PIP5K1B: variants seen among roughly 807,000 people sequenced by gnomAD.
PIP5K1B encodes phosphatidylinositol 4-phosphate 5-kinase type-1 beta.
PIP5K1B carries 42 observed loss-of-function variants against 67.0 expected under a neutral mutation model. That is an observed-to-expected ratio of 0.63 (90% CI 0.49 to 0.81). PIP5K1B has a LOEUF of 0.81. Ranked by LOEUF, PIP5K1B falls within the 30% of genes least tolerant of loss-of-function variation. PIP5K1B has a pLI of 0.00. For synonymous variants in PIP5K1B, 214 were observed against 231.4 expected (o/e 0.92, Z 0.68); for missense variants, 459 against 646.3 (o/e 0.71, Z 3.14).
At chr9:68,831,399 C>T (rs1292506570) in intron 4 of PIP5K1B, among the ~76,000 whole-genome samples, 6 of 152,150 alleles carry the variant, frequency 3.9e-5, no homozygotes, top group Non-Finnish European at 7.4e-5. Context: ...TATACTATTA[C>T]GACCATTTTA....
chr9:68,867,045 G>A (rs1047633812), intron 5 of PIP5K1B, among the ~76,000 whole-genome samples: 1 of 152,122 alleles, frequency 6.6e-6, no homozygotes, highest in Non-Finnish European at 1.5e-5. Flanking sequence ...TCAGGTTCGT[G>A]TAACAATCCA....
rs1224332057 is a variant in PIP5K1B at position 68,723,694 on chromosome 9, G to GTTT, written c.-243+17932_-243+17933insTTT. On this transcript the variant is annotated intron_variant, in intron 1 of 15. Coordinates refer to ENST00000265382, the MANE Select transcript of PIP5K1B (RefSeq NM_003558.4). ...TGCCCATTTTTTAATTGAAGTATTT[G>GTTT]GTTTTTTTTTTTTTTTTTTTTTTGC... 4.1e-4 allele frequency among the ~76,000 whole-genome samples: 15 copies of GTTT among 36,720 alleles called. 1 individual carries two copies. The Admixed American group carries it at 4.3e-3, about 10-fold the overall frequency. 24.1% of individuals were successfully genotyped at this position (36,720 alleles called of 152,430 possible). A position where few individuals can be genotyped will look rare whatever the true frequency, so the allele number is the denominator to read the frequency against.
chr9:68,879,560 T>TC (rs1336615749), intron 6 of PIP5K1B, among the ~76,000 whole-genome samples: 2 of 151,894 alleles, frequency 1.3e-5, no homozygotes, highest in African/African-American at 4.8e-5. Context: ...AGAGCAAGAC[T>TC]CCATCTCAAA....
intron 9 of PIP5K1B, among the ~76,000 whole-genome samples, chr9:68,918,526 A>G (rs541586235): frequency 6.6e-6 from 1 of 152,330 alleles, no homozygotes; most frequent in South Asian, 2.1e-4. Context: ...CAGATGTGGT[A>G]GTAACTACAG....
chr9:68,732,926 G>GCA (rs1719360271), intron 1 of PIP5K1B, among the ~76,000 whole-genome samples: 1 of 137,458 alleles, frequency 7.3e-6, no homozygotes, highest in African/African-American at 2.8e-5. Context: ...TGGGGGGGGG[G>GCA]CGGCGCGGTG....
intron 8 of PIP5K1B, among the ~76,000 whole-genome samples, chr9:68,913,425 A>G (rs1825945556): frequency 6.6e-6 from 1 of 152,218 alleles, no homozygotes; most frequent in South Asian, 2.1e-4. Flanking sequence ...AAGCTCACAC[A>G]TGTTAAGTTG....
chr9:68,830,633 G>T (rs989752690), intron 4 of PIP5K1B, among the ~76,000 whole-genome samples: 4 of 152,062 alleles, frequency 2.6e-5, no homozygotes, highest in African/African-American at 9.7e-5. Flanking sequence ...TCTAAAACGC[G>T]AACTATAGGA....
At chr9:68,720,243 A>T (rs941604014) in intron 1 of PIP5K1B, among the ~76,000 whole-genome samples, 2 of 152,136 alleles carry the variant, frequency 1.3e-5, no homozygotes, top group African/African-American at 4.8e-5. Flanking sequence ...TAGCCTTGCC[A>T]CTGCTTCAAG....
chr9:68,885,602 A>G (rs1378745778), intron 6 of PIP5K1B, among the ~76,000 whole-genome samples: 1 of 148,794 alleles, frequency 6.7e-6, no homozygotes, highest in Non-Finnish European at 1.5e-5. Context: ...CAAATACTGC[A>G]TGTTCTCACT....
chr9:68,787,286 C>A (rs560099183), intron 2 of PIP5K1B, among the ~76,000 whole-genome samples: 1 of 152,278 alleles, frequency 6.6e-6, no homozygotes, highest in South Asian at 2.1e-4. Flanking sequence ...CAGCAACAGG[C>A]AGTGTCTGAA....
Position 68,888,893 on chromosome 9 carries a change from C to A in PIP5K1B, c.319-88C>A, listed in dbSNP as rs1824622526. 3.4e-6 allele frequency: 3 copies of A among 881,140 alleles called. No homozygotes were observed. In the Admixed American group the frequency reaches 6.2e-5, roughly 18 times the overall value. The allele number at this position is 881,140 out of a possible 1,614,324, so 54.6% of individuals were successfully genotyped here. On this transcript the variant is annotated intron_variant, in intron 6 of 15. Transcript: ENST00000265382. ...AGAGAGGCTTCTTGTTTCAACATAG[C>A]TAAGATGTGCAATGCTATGATTGTC...
intron 14 of PIP5K1B, 198 bp downstream of exon 14, chr9:68,940,988 T>C (rs910260764): frequency 4.5e-6 from 3 of 673,460 alleles, no homozygotes; most frequent in Admixed American, 2.1e-5. Flanking sequence ...GATTTTTCTT[T>C]ACAGTTGATC....
At chr9:68,840,051 G>A (rs535503789) in intron 4 of PIP5K1B, among the ~76,000 whole-genome samples, 1 of 152,288 alleles carries the variant, frequency 6.6e-6, no homozygotes, top group African/African-American at 2.4e-5. Context: ...AAATGTTCGG[G>A]TGCCTCAAGT....
chr9:68,723,537 T>TA (rs1373385593), intron 1 of PIP5K1B, among the ~76,000 whole-genome samples: 4 of 152,228 alleles, frequency 2.6e-5, no homozygotes, highest in Admixed American at 2.6e-4. Context: ...TAGCCATTCT[T>TA]ACTGGGGTGA....
chr9:68,828,078 G>A (rs940015402), intron 4 of PIP5K1B, among the ~76,000 whole-genome samples: 1 of 152,212 alleles, frequency 6.6e-6, no homozygotes, highest in Non-Finnish European at 1.5e-5. Flanking sequence ...TCATTTGTCC[G>A]TTGGACTGGG....
At chr9:68,904,321 G>A (rs1825504709) in intron 8 of PIP5K1B, among the ~76,000 whole-genome samples, 1 of 152,222 alleles carries the variant, frequency 6.6e-6, no homozygotes, top group African/African-American at 2.4e-5. Context: ...ACCTAACTCT[G>A]ACAAGGAGAT....
intron 4 of PIP5K1B, among the ~76,000 whole-genome samples, chr9:68,830,105 T>C (rs2132104429): frequency 6.6e-6 from 1 of 151,978 alleles, no homozygotes; most frequent in Middle Eastern, 3.4e-3. Flanking sequence ...TGCTGAAGCC[T>C]AGGCAACAGA....
chr9:68,832,016 T>C (rs1444561940), intron 4 of PIP5K1B, among the ~76,000 whole-genome samples: 4 of 152,224 alleles, frequency 2.6e-5, no homozygotes, highest in Non-Finnish European at 5.9e-5. Flanking sequence ...ATTCATTGGT[T>C]CCAAAGCCAT....
At chr9:68,970,998 A>G (rs1479890026) in intron 14 of PIP5K1B, among the ~76,000 whole-genome samples, 4 of 152,002 alleles carry the variant, frequency 2.6e-5, no homozygotes, top group African/African-American at 9.7e-5. Context: ...GTATTTATTT[A>G]TTGATTTATT....
Sources: allele counts gnomAD v4.1 joint callset (sites outside exome capture counted in the v4.1 genomes callset), GRCh38; gene constraint gnomAD v4.1.1; transcripts MANE v1.5; gene names NCBI Gene and HGNC (gene_info 2026-07-23, HGNC 2026-07-21).